ARHGEF12: variants seen among roughly 807,000 people sequenced by gnomAD.
ARHGEF12 encodes Rho guanine nucleotide exchange factor 12, also known as KMT2A/ARHGEF12 fusion protein.
A neutral mutation model predicts 211.2 loss-of-function variants in ARHGEF12; 66 were observed. That is an observed-to-expected ratio of 0.31 (90% CI 0.26 to 0.38). ARHGEF12 has a LOEUF of 0.38. Among genes scored for constraint, ARHGEF12 ranks in the 10% least tolerant of loss-of-function variants. The probability of loss-of-function intolerance (pLI) is 1.00; values close to 1 mark genes in which losing one functional copy is unlikely to be tolerated. For synonymous variants in ARHGEF12, 592 were observed against 638.4 expected, an observed-to-expected ratio of 0.93 and a Z score of 1.09; for missense variants, 1,429 against 1,869.5, an observed-to-expected ratio of 0.76 and a Z score of 4.34.
At position 120,348,816 on chromosome 11, in the gene ARHGEF12, G is replaced by C. The variant is rs545792178; in HGVS notation, c.32+11541G>C. ...AGATCATGCCACTGCACTCCAGCCT[G>C]GAAAACAAGAGCAAAACACCGTCTC... On this transcript the variant is annotated intron_variant, in intron 1 of 40. Transcript: ENST00000397843. Among the ~76,000 whole-genome samples the C allele has an allele frequency of 1.8e-4, 28 of 152,146 alleles. 1 individual carries two copies. The highest frequency in any genetic ancestry group is 6.5e-4 in the African/African-American group (27 of 41,512).
chr11:120,479,854 T>A (rs1192936778), intron 37 of ARHGEF12, 106 bp from the exon 38 acceptor site: 39 of 868,224 alleles, frequency 4.5e-5, no homozygotes, highest in Non-Finnish European at 2.0e-5. Flanking sequence ...CATTAAAAGA[T>A]ACTTTTTAAA....
At chr11:120,400,479 T>C (rs770033759) in intron 1 of ARHGEF12, among the ~76,000 whole-genome samples, 24 of 152,206 alleles carry the variant, frequency 1.6e-4, no homozygotes, top group Non-Finnish European at 2.8e-4. Context: ...CTAGCAGTTC[T>C]TTTTACTTGG....
chr11:120,434,580 A>G (rs1436343081), intron 11 of ARHGEF12, among the ~76,000 whole-genome samples: 2 of 152,124 alleles, frequency 1.3e-5, no homozygotes, highest in Non-Finnish European at 2.9e-5. Context: ...TTTACATTTT[A>G]TCTTTTGAAT....
chr11:120,421,420 T>C (rs1945181693), intron 5 of ARHGEF12, among the ~76,000 whole-genome samples: 2 of 150,380 alleles, frequency 1.3e-5, no homozygotes, highest in South Asian at 2.1e-4. Context: ...AGTCTGACTT[T>C]ACAGCCTTGT....
intron 1 of ARHGEF12, among the ~76,000 whole-genome samples, chr11:120,393,802 G>C (rs561740726): frequency 6.6e-6 from 1 of 151,964 alleles, no homozygotes; most frequent in African/African-American, 2.4e-5. Context: ...AAACAATACT[G>C]TTGGCCAGTT....
chr11:120,387,554 C>A (rs1944076615), intron 1 of ARHGEF12, among the ~76,000 whole-genome samples: 1 of 152,066 alleles, frequency 6.6e-6, no homozygotes, highest in Non-Finnish European at 1.5e-5. Context: ...CTTTAAGGAA[C>A]TAAGTGTAAG....
At chr11:120,410,862 A>G (rs1008080515) in intron 4 of ARHGEF12, 4 of 152,194 alleles carry the variant, frequency 2.6e-5, no homozygotes, top group Non-Finnish European at 2.9e-5. Flanking sequence ...TCTGTTCTAT[A>G]TAAAGAGCTT....
intron 1 of ARHGEF12, among the ~76,000 whole-genome samples, chr11:120,361,261 A>G (rs1591500201): frequency 6.6e-6 from 1 of 151,870 alleles, no homozygotes; most frequent in East Asian, 1.9e-4. Context: ...CTCCTGTCAG[A>G]TTGCTGGGGA....
intron 11 of ARHGEF12, 76 bp downstream of exon 11, chr11:120,431,987 G>C: frequency 7.1e-7 from 1 of 1,405,214 alleles, no homozygotes. Context: ...GATTTTAAGT[G>C]ATGTGAATTA....
intron 14 of ARHGEF12, 101 bp from the exon 15 acceptor site, chr11:120,442,003 G>T (rs1194787632): frequency 4.1e-5 from 36 of 882,210 alleles, no homozygotes; most frequent in Non-Finnish European, 6.1e-5. Context: ...ATTGTTTATG[G>T]TGACCTACCT....
chr11:120,470,132 T>C (rs1946826331), intron 30 of ARHGEF12, among the ~76,000 whole-genome samples: 1 of 152,160 alleles, frequency 6.6e-6, no homozygotes, highest in Non-Finnish European at 1.5e-5. Flanking sequence ...AGGTTAAAGA[T>C]TTTGATTTGT....
At chr11:120,342,031 G>GTTTAAGTCAAGAT (rs1942552688) in intron 1 of ARHGEF12, among the ~76,000 whole-genome samples, 1 of 152,144 alleles carries the variant, frequency 6.6e-6, no homozygotes, top group Non-Finnish European at 1.5e-5. Context: ...AATTCATACA[G>GTTTAAGTCAAGAT]TTTAAGTCAA....
chr11:120,404,863 A>G (rs1944653458), intron 1 of ARHGEF12, among the ~76,000 whole-genome samples: 1 of 152,186 alleles, frequency 6.6e-6, no homozygotes, highest in Admixed American at 6.5e-5. Context: ...TCCTACCTCA[A>G]CAGTTATGGA....
chr11:120,380,293 T>A (rs1269699193), intron 1 of ARHGEF12, among the ~76,000 whole-genome samples: 3 of 152,218 alleles, frequency 2.0e-5, no homozygotes, highest in Non-Finnish European at 4.4e-5. Context: ...TATTGTGGTA[T>A]ATCTGTGAAA....
intron 1 of ARHGEF12, among the ~76,000 whole-genome samples, chr11:120,375,838 G>C (rs1456110191): frequency 6.6e-6 from 1 of 152,114 alleles, no homozygotes; most frequent in African/African-American, 2.4e-5. Context: ...TCTTGGCTGT[G>C]ACAGTTTCTC....
intron 4 of ARHGEF12, among the ~76,000 whole-genome samples, chr11:120,413,509 T>G (rs2135613240): frequency 6.6e-6 from 1 of 152,356 alleles, no homozygotes; most frequent in African/African-American, 2.4e-5. Context: ...TCACTCATCC[T>G]AATTGAATCT....
At chr11:120,403,375 C>T (rs2135556862) in intron 1 of ARHGEF12, among the ~76,000 whole-genome samples, 1 of 152,106 alleles carries the variant, frequency 6.6e-6, no homozygotes, top group Non-Finnish European at 1.5e-5. Flanking sequence ...GGCATGGTGG[C>T]ACGCAGCTGT....
chr11:120,390,682 T>G (rs1031035417), intron 1 of ARHGEF12, among the ~76,000 whole-genome samples: 1 of 152,188 alleles, frequency 6.6e-6, no homozygotes, highest in Non-Finnish European at 1.5e-5. Context: ...GTCTCACTTG[T>G]GAAAGCTTTT....
Position 120,487,645 on chromosome 11 carries a change from T to C in ARHGEF12, c.*2568T>C, listed in dbSNP as rs954692278. The C allele has an allele frequency of 1.9e-5, 4 of 216,194 alleles. No individual in the cohort carries two copies. The highest frequency in any genetic ancestry group is 5.8e-5 in the Admixed American group (1 of 17,176). 13.4% of individuals were successfully genotyped at this position (216,194 alleles called of 1,614,324 possible). On this transcript the variant is annotated 3_prime_UTR_variant, in exon 41 of 41. Coordinates refer to ENST00000397843, the MANE Select transcript of ARHGEF12 (RefSeq NM_015313.3). Reference sequence around the variant, plus strand: ...TAGAAGTTGAAATCTACTTCCCTGCTAAAGGGCACAGGGGTGGTGTACAAA... The same window carrying C: ...TAGAAGTTGAAATCTACTTCCCTGCCAAAGGGCACAGGGGTGGTGTACAAA...
Sources: gnomAD v4.1 joint callset for allele counts (sites outside exome capture counted in the v4.1 genomes callset) on GRCh38, gnomAD v4.1.1 for gene constraint, MANE v1.5 for transcripts, NCBI Gene and HGNC (gene_info 2026-07-23, HGNC 2026-07-21) for gene names.